Variants in PRH1 observed in about 807,000 individuals in gnomAD.
PRH1 encodes proline rich protein HaeIII subfamily 1.
PRH1 carries 7 observed loss-of-function variants against 7.9 expected under a neutral mutation model. The ratio of observed to expected loss-of-function variants is 0.89; its 90% CI spans 0.50 to 1.67. The LOEUF is 1.67. PRH1 is among the 40% of genes most tolerant of loss of function. The pLI, the probability that PRH1 is intolerant of heterozygous loss-of-function variation, is 0.00. For missense variants in PRH1, 109 were observed against 223.6 expected, an observed-to-expected ratio of 0.49 and a Z score of 3.27; for synonymous variants, 45 against 80.8, an observed-to-expected ratio of 0.56 and a Z score of 2.38.
intron 2 of PRH1, chr12:10,965,273 A>G (rs1333738513): frequency 6.9e-7 from 1 of 1,449,294 alleles, no homozygotes; most frequent in Non-Finnish European, 9.4e-7. Context: ...TACCAACACT[A>G]TGAAGCCATT....
intron 1 of PRH1, among the ~76,000 whole-genome samples, chr12:11,137,779 T>C (rs1248225885): frequency 6.6e-6 from 1 of 152,210 alleles, no homozygotes; most frequent in Non-Finnish European, 1.5e-5. Context: ...AAATTACTTA[T>C]TTTCCAAATT....
chr12:11,074,223 GCAC>G (rs1195848455), intron 1 of PRH1, among the ~76,000 whole-genome samples: 30,494 of 72,340 alleles, frequency 0.42, 10,754 homozygotes, highest in Non-Finnish European at 0.57. Context: ...ATTAAAAAGA[GCAC>G]AGTCTGATAC....
intron 2 of PRH1, among the ~76,000 whole-genome samples, chr12:10,927,078 A>T (rs1950133438): frequency 6.6e-6 from 1 of 152,068 alleles, no homozygotes; most frequent in Non-Finnish European, 1.5e-5. Flanking sequence ...TACTTTCTTG[A>T]TATGCTAGTC....
chr12:10,917,928 C>T (rs1484524797), intron 2 of PRH1, among the ~76,000 whole-genome samples: 1 of 152,186 alleles, frequency 6.6e-6, no homozygotes, highest in Non-Finnish European at 1.5e-5. Context: ...CAAGATACAG[C>T]TGGAAAGCCC....
At chr12:10,963,021 C>T (rs146070745) in intron 2 of PRH1, among the ~76,000 whole-genome samples, 2,604 of 152,322 alleles carry the variant, frequency 0.017, 101 homozygotes, top group East Asian at 0.091. Flanking sequence ...CCGCCCACCT[C>T]GGCCTCTCAA....
At chr12:10,930,185 G>A (rs988699108) in intron 2 of PRH1, 29 of 1,482,672 alleles carry the variant, frequency 2.0e-5, no homozygotes, top group Non-Finnish European at 2.7e-5. Context: ...GGTGTGATCA[G>A]AGGTCCTTTA....
intron 1 of PRH1, among the ~76,000 whole-genome samples, chr12:11,058,557 A>G (rs1463413507): frequency 2.0e-5 from 3 of 152,290 alleles, no homozygotes; most frequent in African/African-American, 7.2e-5. Context: ...TGACTCATTA[A>G]TGAAGTTTCT....
chr12:10,950,367 T>C (rs1950551973), intron 2 of PRH1, among the ~76,000 whole-genome samples: 1 of 152,078 alleles, frequency 6.6e-6, no homozygotes, highest in South Asian at 2.1e-4. Context: ...TCATGCCCTT[T>C]TCAAAATTAG....
intron 2 of PRH1, among the ~76,000 whole-genome samples, chr12:10,956,500 G>C (rs1937967209): frequency 1.3e-5 from 2 of 152,080 alleles, no homozygotes; most frequent in Admixed American, 6.5e-5. Context: ...ATTACCCCTT[G>C]AAAACAGGAA....
At chr12:10,995,962 A>T (rs919352094) in intron 1 of PRH1, among the ~76,000 whole-genome samples, 5 of 151,984 alleles carry the variant, frequency 3.3e-5, no homozygotes, top group African/African-American at 1.2e-4. Context: ...CACTAGATAT[A>T]TTTTTCACCC....
At chr12:11,026,349 T>C (rs1490414801) in intron 1 of PRH1, among the ~76,000 whole-genome samples, 1 of 151,926 alleles carries the variant, frequency 6.6e-6, no homozygotes, top group Non-Finnish European at 1.5e-5. Context: ...TTTTTGAAGG[T>C]CAGATACTAC....
chr12:11,138,416 A>G (rs1031910497), intron 1 of PRH1, among the ~76,000 whole-genome samples: 1 of 152,208 alleles, frequency 6.6e-6, no homozygotes, highest in Non-Finnish European at 1.5e-5. Context: ...GAACCAAAAA[A>G]TATATAGTAA....
intron 1 of PRH1, chr12:10,985,978 A>C: frequency 6.2e-7 from 1 of 1,612,036 alleles, no homozygotes. Flanking sequence ...CTAATCTGAC[A>C]CAAAATCAAA....
chr12:10,908,205 A>G, intron 2 of PRH1: 1 of 516,214 alleles, frequency 1.9e-6, no homozygotes, highest in Non-Finnish European at 3.3e-6. Context: ...CATGTCATAA[A>G]TACATAATAT....
chr12:11,137,771 ATTAC>A (rs1946596340), intron 1 of PRH1, among the ~76,000 whole-genome samples: 1 of 152,206 alleles, frequency 6.6e-6, no homozygotes, highest in African/African-American at 2.4e-5. Context: ...TCTTTTTAAA[ATTAC>A]TTATTTTCCA....
At chr12:11,009,312 C>G (rs1490116689) in intron 1 of PRH1, among the ~76,000 whole-genome samples, 1 of 151,812 alleles carries the variant, frequency 6.6e-6, no homozygotes, top group East Asian at 1.9e-4. Context: ...TACCTTTCAC[C>G]TCTAGCTACT....
intron 1 of PRH1, among the ~76,000 whole-genome samples, chr12:11,099,790 A>C (rs559433153): frequency 6.6e-6 from 1 of 152,302 alleles, no homozygotes; most frequent in Middle Eastern, 3.4e-3. Context: ...TTGCAGAAAA[A>C]CATAACTGAT....
At chr12:10,973,678 T>A (rs752088861) in exon 2 of PRH1, 1 of 779,666 alleles carries the variant, frequency 1.3e-6, no homozygotes, top group Middle Eastern at 2.3e-4. Flanking sequence ...CACTCTTGAG[T>A]AGATACAGCA....
At chr12:11,000,811 A>G (rs1257375834) in intron 1 of PRH1, among the ~76,000 whole-genome samples, 2 of 151,988 alleles carry the variant, frequency 1.3e-5, no homozygotes, top group Non-Finnish European at 2.9e-5. Flanking sequence ...TCTCTCTTCT[A>G]TGTCTAACTG....
Sources: allele counts gnomAD v4.1 joint callset (sites outside exome capture counted in the v4.1 genomes callset), GRCh38; gene constraint gnomAD v4.1.1; transcripts MANE v1.5; gene names NCBI Gene and HGNC (gene_info 2026-07-23, HGNC 2026-07-21).